The following RNLS variants were observed in gnomAD, a reference collection of about 807,000 sequenced individuals.
The protein encoded by RNLS is renalase.
In RNLS, 39 loss-of-function variants were observed where a neutral mutation model predicts 39.8. The observed-to-expected ratio is 0.98, with a 90% CI of 0.76 to 1.28. The LOEUF (loss-of-function observed/expected upper bound fraction) is 1.28. Ranked by LOEUF, RNLS falls within the 50% of genes most tolerant of loss-of-function variation. RNLS has a pLI of 0.00. For synonymous variants in RNLS, 147 were observed against 150.7 expected (o/e 0.98, Z 0.18); for missense variants, 410 against 413.3 (o/e 0.99, Z 0.07).
the RNLS span, among the ~76,000 whole-genome samples, chr10:88,226,960 C>T: frequency 1.3e-5 from 2 of 152,032 alleles, no homozygotes; most frequent in African/African-American, 4.8e-5. Flanking sequence ...ATACTTTAAA[C>T]CAGGGTTGAC....
intron 4 of RNLS, among the ~76,000 whole-genome samples, chr10:88,375,373 A>G (rs1850899691): frequency 6.6e-6 from 1 of 152,142 alleles, no homozygotes; most frequent in South Asian, 2.1e-4. Flanking sequence ...AATCTCACAA[A>G]AGACTCCATC....
intron 4 of RNLS, among the ~76,000 whole-genome samples, chr10:88,471,653 G>T (rs2133980001): frequency 6.6e-6 from 1 of 152,220 alleles, no homozygotes; most frequent in Middle Eastern, 3.4e-3. Context: ...AAATTCACAG[G>T]GTATCGTTTA....
intron 4 of RNLS, among the ~76,000 whole-genome samples, chr10:88,375,071 C>G (rs752924723): frequency 1.8e-4 from 28 of 152,228 alleles, no homozygotes; most frequent in Non-Finnish European, 3.4e-4. Flanking sequence ...GTTACTCTCT[C>G]TCTTCCTCTT....
At chr10:88,241,343 G>A in the RNLS span, among the ~76,000 whole-genome samples, 1 of 150,518 alleles carries the variant, frequency 6.6e-6, no homozygotes, top group South Asian at 2.1e-4. Flanking sequence ...CTGGTTATAG[G>A]TTTATTTAAT....
chr10:88,447,170 A>T (rs908442479), intron 4 of RNLS, among the ~76,000 whole-genome samples: 28 of 152,230 alleles, frequency 1.8e-4, no homozygotes, highest in African/African-American at 6.5e-4. Flanking sequence ...CAGGAAAATC[A>T]GGCAGGAGAA....
At chr10:88,513,781 G>T (rs939874091) in intron 4 of RNLS, among the ~76,000 whole-genome samples, 1 of 151,998 alleles carries the variant, frequency 6.6e-6, no homozygotes, top group African/African-American at 2.4e-5. Context: ...ATTTTGCACC[G>T]TCGAGATTGT....
chr10:88,501,414 G>A (rs1845477119), intron 4 of RNLS, among the ~76,000 whole-genome samples: 1 of 152,088 alleles, frequency 6.6e-6, no homozygotes, highest in Non-Finnish European at 1.5e-5. Flanking sequence ...CCACAGCAAT[G>A]CAAAGAGTAG....
intron 4 of RNLS, among the ~76,000 whole-genome samples, chr10:88,551,801 G>A (rs1315234890): frequency 6.6e-6 from 1 of 152,126 alleles, no homozygotes; most frequent in East Asian, 1.9e-4. Flanking sequence ...ATATGGTGGG[G>A]ATAATAACAA....
At chr10:88,496,230 G>A (rs1339730598) in intron 4 of RNLS, among the ~76,000 whole-genome samples, 1 of 152,082 alleles carries the variant, frequency 6.6e-6, no homozygotes, top group Non-Finnish European at 1.5e-5. Context: ...ATGAATCCAA[G>A]CCAGTAATTA....
intron 4 of RNLS, among the ~76,000 whole-genome samples, chr10:88,506,089 C>G (rs752090353): frequency 3.3e-5 from 5 of 152,072 alleles, no homozygotes; most frequent in Non-Finnish European, 7.4e-5. Flanking sequence ...TTGAGAACCA[C>G]TGGTTTAACC....
At chr10:88,339,617 G>T (rs1386779796) in intron 5 of RNLS, among the ~76,000 whole-genome samples, 1 of 152,170 alleles carries the variant, frequency 6.6e-6, no homozygotes, top group Non-Finnish European at 1.5e-5. Context: ...ACACAACATG[G>T]TACCTGGCTC....
chr10:88,192,738 C>T, the RNLS span, among the ~76,000 whole-genome samples: 1 of 152,216 alleles, frequency 6.6e-6, no homozygotes, highest in Non-Finnish European at 1.5e-5. Context: ...GTTTGGTTCT[C>T]AGGGACTGCT....
At chr10:88,342,866 G>A (rs1028747878) in intron 5 of RNLS, among the ~76,000 whole-genome samples, 2 of 152,142 alleles carry the variant, frequency 1.3e-5, no homozygotes, top group African/African-American at 4.8e-5. Flanking sequence ...CAAACTATGG[G>A]CTTCAGGCCA....
chr10:88,386,435 A>C (rs1372947932), intron 4 of RNLS, among the ~76,000 whole-genome samples: 1 of 152,240 alleles, frequency 6.6e-6, no homozygotes, highest in Non-Finnish European at 1.5e-5. Flanking sequence ...CTCTGACAGA[A>C]TTCTGGCTTT....
chr10:88,496,393 G>A (rs138056171), intron 4 of RNLS, among the ~76,000 whole-genome samples: 1 of 152,236 alleles, frequency 6.6e-6, no homozygotes, highest in African/African-American at 2.4e-5. Flanking sequence ...GCACGCTTCA[G>A]GAATGCCATA....
Position 88,340,879 on chromosome 10 carries a change from G to C in RNLS, c.700+21673C>G, listed in dbSNP as rs1359165202. Among the ~76,000 whole-genome samples, 3 of 151,696 alleles carry C rather than the reference G, an allele frequency of 2.0e-5. No individual in the cohort carries two copies. In the East Asian group the frequency reaches 5.8e-4, roughly 29 times the overall value. ...GTTCGAGACCAGCCTGACCAACATG[G>C]TGAAACCCCATCTCTACTAAAAATA... On this transcript the variant is annotated intron_variant, in intron 5 of 6. Transcript: ENST00000331772.
chr10:88,509,029 A>T (rs1845946087), intron 4 of RNLS, among the ~76,000 whole-genome samples: 1 of 152,054 alleles, frequency 6.6e-6, no homozygotes, highest in South Asian at 2.1e-4. Flanking sequence ...GGGCTGGTTC[A>T]TAAACCCCTT....
At chr10:88,224,889 C>T in the RNLS span, among the ~76,000 whole-genome samples, 1 of 152,140 alleles carries the variant, frequency 6.6e-6, no homozygotes, top group African/African-American at 2.4e-5. Flanking sequence ...CCCAACCACT[C>T]CTATGAGATT....
At chr10:88,521,382 G>A (rs1399998376) in intron 4 of RNLS, among the ~76,000 whole-genome samples, 2 of 152,042 alleles carry the variant, frequency 1.3e-5, no homozygotes, top group Non-Finnish European at 2.9e-5. Flanking sequence ...GGTTCATGTG[G>A]TCTGAAATGT....
Sources: gnomAD v4.1 joint callset for allele counts (sites outside exome capture counted in the v4.1 genomes callset) on GRCh38, gnomAD v4.1.1 for gene constraint, MANE v1.5 for transcripts, NCBI Gene and HGNC (gene_info 2026-07-23, HGNC 2026-07-21) for gene names.